Variants in AGBL1 observed in about 807,000 individuals in gnomAD.
AGBL1 encodes cytosolic carboxypeptidase 4.
A neutral mutation model predicts 118.9 loss-of-function variants in AGBL1; 130 were observed. The ratio of observed to expected loss-of-function variants is 1.09; its 90% CI spans 0.95 to 1.26. The LOEUF (loss-of-function observed/expected upper bound fraction) is 1.26, where lower values mean the gene tolerates loss of function less well. AGBL1 is among the 50% of genes most tolerant of loss of function. The probability of loss-of-function intolerance (pLI) is 0.00; values close to 1 mark genes in which losing one functional copy is unlikely to be tolerated. For synonymous variants in AGBL1, 555 were observed against 478.9 expected (o/e 1.16, Z -2.08); for missense variants, 1,584 against 1,298.1 (o/e 1.22, Z -3.38).
intron 24 of AGBL1, among the ~76,000 whole-genome samples, chr15:87,004,097 G>T (rs1455541526): frequency 1.3e-5 from 2 of 152,164 alleles, no homozygotes; most frequent in South Asian, 4.2e-4. Flanking sequence ...TCTCTTGTGG[G>T]CATTTAGTGC....
At chr15:86,558,808 C>T (rs368549673) in intron 21 of AGBL1, among the ~76,000 whole-genome samples, 4 of 152,106 alleles carry the variant, frequency 2.6e-5, no homozygotes, top group South Asian at 2.1e-4. Context: ...AACTAGAGAC[C>T]GCAGATCAGA....
Position 86,970,584 on chromosome 15 carries a change from A to T in AGBL1, c.3222-17403A>T, listed in dbSNP as rs78063341. ...TATTACAAATTGTCTTTATTTTCAG[A>T]GTTAGTTTTCTAAACTACAATCATG... is the stretch of plus-strand genomic sequence containing the variant. On this transcript the variant is annotated intron_variant, in intron 23 of 24. Transcript: ENST00000441037. 5.7e-3 allele frequency among the ~76,000 whole-genome samples: 872 copies of T among 152,088 alleles called. 6 individuals carry two copies. Among genetic ancestry groups the T allele is most frequent in the African/African-American group, 0.02 (834 of 41,508 alleles).
At chr15:86,571,819 C>A (rs1047393608) in intron 21 of AGBL1, among the ~76,000 whole-genome samples, 1 of 152,306 alleles carries the variant, frequency 6.6e-6, no homozygotes, top group South Asian at 2.1e-4. Context: ...GGCCCAGCCC[C>A]CAGGCTTCAG....
chr15:86,826,607 A>C (rs945231917), intron 22 of AGBL1, among the ~76,000 whole-genome samples: 7 of 152,058 alleles, frequency 4.6e-5, no homozygotes, highest in Non-Finnish European at 1.0e-4. Context: ...AGACCCTAAA[A>C]TTTCAGGTTT....
At chr15:86,846,879 C>G (rs1395070501) in intron 22 of AGBL1, among the ~76,000 whole-genome samples, 2 of 152,072 alleles carry the variant, frequency 1.3e-5, no homozygotes, top group Admixed American at 1.3e-4. Context: ...CTTTTTCTGG[C>G]CTTTCTTCTT....
chr15:86,748,735 C>T (rs2077798430), intron 22 of AGBL1, among the ~76,000 whole-genome samples: 1 of 151,632 alleles, frequency 6.6e-6, no homozygotes, highest in Non-Finnish European at 1.5e-5. Context: ...TATGGCTAGT[C>T]AGTTTTCCCA....
chr15:86,250,677 T>C (rs2078801068), intron 7 of AGBL1, among the ~76,000 whole-genome samples: 1 of 151,604 alleles, frequency 6.6e-6, no homozygotes, highest in Non-Finnish European at 1.5e-5. Flanking sequence ...AAAGATAGGC[T>C]GTCCTGGCTT....
intron 21 of AGBL1, among the ~76,000 whole-genome samples, chr15:86,606,818 A>G (rs1162978708): frequency 6.6e-6 from 1 of 152,216 alleles, no homozygotes; most frequent in Non-Finnish European, 1.5e-5. Flanking sequence ...TATCTGTATT[A>G]CTAACCAAAG....
intron 5 of AGBL1, among the ~76,000 whole-genome samples, chr15:86,176,750 G>A (rs2077487641): frequency 6.6e-6 from 1 of 152,142 alleles, no homozygotes; most frequent in African/African-American, 2.4e-5. Context: ...GTGGGATCCA[G>A]CCTAAACTAC....
intron 7 of AGBL1, among the ~76,000 whole-genome samples, chr15:86,250,269 A>C (rs777332076): frequency 2.6e-5 from 4 of 152,014 alleles, no homozygotes; most frequent in Non-Finnish European, 4.4e-5. Flanking sequence ...TCATGCCTGT[A>C]ATCCCAGCAC....
intron 1 of AGBL1, among the ~76,000 whole-genome samples, chr15:86,129,568 C>T (rs1455392212): frequency 6.6e-6 from 1 of 152,150 alleles, no homozygotes; most frequent in Non-Finnish European, 1.5e-5. Flanking sequence ...TGGTGGTTCT[C>T]AACCAGGGCC....
At chr15:86,783,412 C>G (rs958044571) in intron 22 of AGBL1, among the ~76,000 whole-genome samples, 6 of 152,130 alleles carry the variant, frequency 3.9e-5, no homozygotes, top group African/African-American at 1.4e-4. Flanking sequence ...CATTTTTACC[C>G]TTTCTTTTTC....
chr15:86,472,114 T>C (rs1396400645), intron 18 of AGBL1, among the ~76,000 whole-genome samples: 1 of 152,106 alleles, frequency 6.6e-6, no homozygotes, highest in Non-Finnish European at 1.5e-5. Context: ...CTAGAGAGTT[T>C]GGAAGGAGGC....
At chr15:86,319,149 G>C (rs1323832246) in intron 17 of AGBL1, among the ~76,000 whole-genome samples, 1 of 152,166 alleles carries the variant, frequency 6.6e-6, no homozygotes, top group African/African-American at 2.4e-5. Context: ...AAGGGATGCT[G>C]CTATGATGTG....
intron 21 of AGBL1, among the ~76,000 whole-genome samples, chr15:86,668,517 C>A (rs62033711): frequency 6.6e-6 from 1 of 152,078 alleles, no homozygotes; most frequent in East Asian, 1.9e-4. Context: ...CACAAAAAGA[C>A]GTTTTTTTGG....
At chr15:86,454,170 A>G (rs1011056595) in intron 18 of AGBL1, among the ~76,000 whole-genome samples, 1 of 152,256 alleles carries the variant, frequency 6.6e-6, no homozygotes, top group South Asian at 2.1e-4. Context: ...ACCTTAGAAA[A>G]GTTCCCTTAG....
chr15:86,823,533 A>T (rs1196964065), intron 22 of AGBL1, among the ~76,000 whole-genome samples: 1 of 152,202 alleles, frequency 6.6e-6, no homozygotes, highest in African/African-American at 2.4e-5. Flanking sequence ...AGCACAGACC[A>T]ATCAGGAAAA....
chr15:86,271,486 A>G, intron 14 of AGBL1, 133 bp from the exon 15 acceptor site: 1 of 714,614 alleles, frequency 1.4e-6, no homozygotes, highest in Admixed American at 2.4e-5. Context: ...TCATATCTGC[A>G]AATCTCTTTG....
At chr15:86,082,226 C>T (rs1895334660) in intron 1 of AGBL1, among the ~76,000 whole-genome samples, 3 of 152,214 alleles carry the variant, frequency 2.0e-5, no homozygotes, top group Admixed American at 1.3e-4. Context: ...GATTTGATGT[C>T]CTGTCCCCAT....
Sources: gnomAD v4.1 joint callset for allele counts (sites outside exome capture counted in the v4.1 genomes callset) on GRCh38, gnomAD v4.1.1 for gene constraint, MANE v1.5 for transcripts, NCBI Gene and HGNC (gene_info 2026-07-23, HGNC 2026-07-21) for gene names.